The following DCC variants were observed in gnomAD, a reference collection of about 807,000 sequenced individuals.
DCC encodes the protein netrin receptor DCC.
A neutral mutation model predicts 172.5 loss-of-function variants in DCC; 58 were observed. The observed-to-expected ratio is 0.34, with a 90% CI of 0.27 to 0.42. DCC has a LOEUF of 0.42. Ranked by LOEUF, DCC falls within the 10% of genes least tolerant of loss-of-function variation. The pLI is 1.00. For synonymous variants in DCC, 709 were observed against 644.5 expected, an observed-to-expected ratio of 1.10 and a Z score of -1.52; for missense variants, 1,740 against 1,791.0, an observed-to-expected ratio of 0.97 and a Z score of 0.51.
intron 5 of DCC, among the ~76,000 whole-genome samples, chr18:52,964,535 C>T (rs150287832): frequency 1.3e-5 from 2 of 152,078 alleles, no homozygotes; most frequent in South Asian, 2.1e-4. Flanking sequence ...GTCAATCGAT[C>T]GTAATTGATT....
At chr18:53,284,780 C>T (rs1406264690) in intron 12 of DCC, among the ~76,000 whole-genome samples, 1 of 152,114 alleles carries the variant, frequency 6.6e-6, no homozygotes. Context: ...TCCCTAGAAA[C>T]TTGTTAAGTG....
At chr18:53,117,361 T>G (rs2043423242) in intron 7 of DCC, among the ~76,000 whole-genome samples, 1 of 151,736 alleles carries the variant, frequency 6.6e-6, no homozygotes, top group South Asian at 2.1e-4. Flanking sequence ...TTAAGCTCCT[T>G]TGAGGATTAA....
chr18:53,422,561 A>ACTT, intron 21 of DCC, among the ~76,000 whole-genome samples: 1 of 152,282 alleles, frequency 6.6e-6, no homozygotes, highest in South Asian at 2.1e-4. Context: ...AGTTTAAAGG[A>ACTT]CTTTGTCTTT....
chr18:53,124,911 A>C (rs1356262608), intron 7 of DCC, among the ~76,000 whole-genome samples: 1 of 152,006 alleles, frequency 6.6e-6, no homozygotes, highest in Non-Finnish European at 1.5e-5. Flanking sequence ...TGGAGGTTGC[A>C]GTGAGCTAAG....
At chr18:53,339,572 T>C (rs1271053501) in intron 14 of DCC, 141 bp from the exon 15 acceptor site, 4 of 738,746 alleles carry the variant, frequency 5.4e-6, no homozygotes, top group Non-Finnish European at 9.6e-6. Flanking sequence ...TATCATATGC[T>C]AAAATAAAGA....
intron 7 of DCC, among the ~76,000 whole-genome samples, chr18:53,079,114 G>T (rs1357052491): frequency 6.6e-6 from 1 of 152,042 alleles, no homozygotes; most frequent in African/African-American, 2.4e-5. Flanking sequence ...GCACTTAGTT[G>T]TAAGGAAAAG....
intron 1 of DCC, among the ~76,000 whole-genome samples, chr18:52,519,077 C>T (rs1187462064): frequency 6.6e-6 from 1 of 152,200 alleles, no homozygotes; most frequent in African/African-American, 2.4e-5. Flanking sequence ...AAGGTTTCCT[C>T]CTTAGATGAT....
intron 1 of DCC, among the ~76,000 whole-genome samples, chr18:52,581,030 C>A (rs1453213608): frequency 6.6e-6 from 1 of 152,166 alleles, no homozygotes; most frequent in African/African-American, 2.4e-5. Flanking sequence ...TTTCCCCTCT[C>A]CAGCTGAAAA....
intron 12 of DCC, among the ~76,000 whole-genome samples, chr18:53,238,280 T>A (rs888183769): frequency 6.6e-6 from 1 of 152,140 alleles, no homozygotes; most frequent in East Asian, 1.9e-4. Context: ...TCATGACTCC[T>A]AGAATTATTC....
Position 52,701,371 on chromosome 18 carries a change from T to C in DCC, c.92-50683T>C, listed in dbSNP as rs569363878. Among the ~76,000 whole-genome samples, 63 of 152,340 alleles carry C rather than the reference T, an allele frequency of 4.1e-4. 3 individuals are homozygous for C. In the South Asian group the frequency reaches 0.013, roughly 32 times the overall value. The stretch of plus-strand genomic sequence containing the variant: ...GGCCATAGCTTGGGGCTTCTTTTCC[T>C]GTAAGCTCAATGGGACAACTATCAG... On this transcript the variant is annotated intron_variant, in intron 1 of 28. Coordinates refer to ENST00000442544, the MANE Select transcript of DCC (RefSeq NM_005215.4).
intron 5 of DCC, among the ~76,000 whole-genome samples, chr18:53,056,355 C>T (rs1411369428): frequency 6.6e-6 from 1 of 152,078 alleles, no homozygotes; most frequent in African/African-American, 2.4e-5. Context: ...TCTCAACACA[C>T]GGGGATTACA....
At chr18:53,398,031 A>G (rs1008220411) in intron 18 of DCC, among the ~76,000 whole-genome samples, 1 of 152,142 alleles carries the variant, frequency 6.6e-6, no homozygotes, top group African/African-American at 2.4e-5. Flanking sequence ...TACTGGTCAC[A>G]TTTACTATGG....
chr18:52,898,119 G>T (rs577394797), intron 2 of DCC, among the ~76,000 whole-genome samples: 4 of 152,334 alleles, frequency 2.6e-5, no homozygotes, highest in Non-Finnish European at 5.9e-5. Context: ...AGCATTTACA[G>T]CCGCTCTCCT....
intron 15 of DCC, among the ~76,000 whole-genome samples, chr18:53,351,046 G>A (rs2057785715): frequency 3.3e-5 from 5 of 150,766 alleles, no homozygotes; most frequent in Admixed American, 3.3e-4. Flanking sequence ...TGAGATGAGT[G>A]TCTTCTAAAC....
intron 1 of DCC, among the ~76,000 whole-genome samples, chr18:52,604,568 C>T (rs2034092599): frequency 6.6e-6 from 1 of 152,162 alleles, no homozygotes; most frequent in Non-Finnish European, 1.5e-5. Flanking sequence ...CCATCTGTGC[C>T]TGTCCCTTCT....
At chr18:52,581,194 T>TCTATCTATCTATCTATCTATCTATCTAA (rs2033540558) in intron 1 of DCC, among the ~76,000 whole-genome samples, 1 of 151,848 alleles carries the variant, frequency 6.6e-6, no homozygotes, top group South Asian at 2.1e-4. Context: ...ATCTTATCTA[T>TCTATCTATCTATCTATCTATCTATCTAA]CTATCTATCT....
intron 2 of DCC, among the ~76,000 whole-genome samples, chr18:52,854,712 C>T (rs1275359520): frequency 6.6e-6 from 1 of 152,112 alleles, no homozygotes; most frequent in Non-Finnish European, 1.5e-5. Flanking sequence ...CTTGCTTGTA[C>T]AGAAGTTGTT....
intron 5 of DCC, among the ~76,000 whole-genome samples, chr18:52,988,014 A>G (rs8088528): frequency 0.5 from 76,455 of 152,052 alleles, 19,880 homozygotes; most frequent in Non-Finnish European, 0.59. Flanking sequence ...AAAGGAATTT[A>G]GGTAATTTGT....
intron 5 of DCC, among the ~76,000 whole-genome samples, chr18:53,002,277 A>T (rs148828137): frequency 6.6e-6 from 1 of 152,140 alleles, no homozygotes; most frequent in African/African-American, 2.4e-5. Context: ...TCTGGGAGGG[A>T]AAAAGTAATC....
Sources: allele counts gnomAD v4.1 joint callset (sites outside exome capture counted in the v4.1 genomes callset), GRCh38; gene constraint gnomAD v4.1.1; transcripts MANE v1.5; gene names NCBI Gene and HGNC (gene_info 2026-07-23, HGNC 2026-07-21).